The following MXRA5 variants were observed in gnomAD, a reference collection of about 807,000 sequenced individuals.
MXRA5 encodes matrix remodeling associated 5, also known as matrix-remodeling-associated protein 5.
Under a neutral mutation model 112.5 loss-of-function variants are expected in MXRA5, and 41 were observed. The observed-to-expected ratio is 0.36, with a 90% CI of 0.28 to 0.47. The LOEUF is 0.47. Ranked by LOEUF, MXRA5 falls within the 20% of genes least tolerant of loss-of-function variation. MXRA5 has a pLI of 0.99. For synonymous variants in MXRA5, 862 were observed against 900.8 expected, an observed-to-expected ratio of 0.96 and a Z score of 0.77; for missense variants, 2,150 against 2,251.0, an observed-to-expected ratio of 0.96 and a Z score of 0.91.
Position 3,315,391 on chromosome X carries a change from TGATAGATA to T in MXRA5, c.6578+1704_6578+1711del, listed in dbSNP as rs111904144. On this transcript the variant is annotated intron_variant, in intron 6 of 6. Transcript: ENST00000217939. Reference sequence around the variant, plus strand: ...TAGATAGAATAGATAGATAGATAGATGATAGATAGATAGATAGATAGATAGATAGAACC... The same window carrying T: ...TAGATAGAATAGATAGATAGATAGATGATAGATAGATAGATAGATAGAACC... Among the ~76,000 whole-genome samples, 65 of 56,691 alleles carry T rather than the reference TGATAGATA, an allele frequency of 1.1e-3. 3 individuals carry two copies. The highest frequency in any genetic ancestry group is 4.9e-3 in the African/African-American group (60 of 12,218). The allele number at this position is 56,691 out of a possible 115,157, so 49.2% of individuals were successfully genotyped here.
rs770702989 is a variant in MXRA5, at chrX:3,313,793, C to A, written c.6579-2169G>T. 2.7e-5 allele frequency among the ~76,000 whole-genome samples: 3 copies of A among 112,119 alleles called. No individual in the cohort carries two copies. The East Asian group carries it at 8.4e-4, about 31-fold the overall frequency. On this transcript the variant is annotated intron_variant, in intron 6 of 6. Coordinates refer to ENST00000217939, the MANE Select transcript of MXRA5 (RefSeq NM_015419.4). ...TCCATTCAAAATTGCCTCCACCATG[C>A]CAAATTCAATGGAAAGCAGTTCTCT... is the stretch of plus-strand genomic sequence containing the variant.
intron 5 of MXRA5, 67 bp from the exon 6 acceptor site, chrX:3,318,070 G>C: frequency 1.1e-6 from 1 of 900,831 alleles, no homozygotes; most frequent in Non-Finnish European, 1.5e-6. Flanking sequence ...CAAACGAGCA[G>C]TATTAGTTAA....
At position 3,321,404 on chromosome X, in the gene MXRA5, T is replaced by C; in HGVS notation, c.4281A>G (p.Thr1427=). The C allele has an allele frequency of 8.3e-7, 1 of 1,211,785 alleles. No homozygotes were observed. Among genetic ancestry groups the C allele is most frequent in the Non-Finnish European group, 1.1e-6 (1 of 895,499 alleles). Residue 1427 remains threonine (T), a synonymous_variant, in exon 5 of 7, where the codon ACA becomes ACG. Transcript: ENST00000217939. Reference sequence around the variant, plus strand: ...CTTCCTGGTGAAATGGTGTGGAGACTGTCAAAGAGGACAAAAACTCGGAAG... The same window carrying C: ...CTTCCTGGTGAAATGGTGTGGAGACCGTCAAAGAGGACAAAAACTCGGAAG... The part of the protein sequence containing the change: ...DFTSEFLSSL[T]VSTPFHQEEA...
intron 4 of MXRA5, among the ~76,000 whole-genome samples, chrX:3,325,289 C>T (rs1921430595): frequency 9.0e-6 from 1 of 110,921 alleles, no homozygotes. Flanking sequence ...CATTCACATA[C>T]ATTTTACAAT....
In MXRA5 at chrX:3,309,971, G is replaced by A. The variant is rs1920969594; in HGVS notation, c.8232C>T (p.Tyr2744=). 8.3e-7 allele frequency: 1 copy of A among 1,211,621 alleles called. No homozygotes were observed. Among genetic ancestry groups the A allele is most frequent in the African/African-American group, 1.7e-5 (1 of 57,798 alleles). ...GTTTCACGGTGTTCCCGGGCCGGGT[G>A]TAGATGACCGGGGTGGGCTCGCTGG... ...RITSEPTPVI[Y]TRPGNTVKLN... is the part of the protein sequence containing the mutation. The change falls in exon 7 of 7, where the codon TAC becomes TAT. Residue 2744 remains tyrosine, a synonymous_variant. Transcript: ENST00000217939.
rs149776452 is a variant in MXRA5, at chrX:3,335,604, G to A, written c.189-4831C>T. Reference sequence around the variant, plus strand: ...AGAAGGTCTTACAGGGTATGTTTGCGGATGGCATCCTCAGAATTGTTCAGA... The same window carrying A: ...AGAAGGTCTTACAGGGTATGTTTGCAGATGGCATCCTCAGAATTGTTCAGA... On this transcript the variant is annotated intron_variant, in intron 2 of 6. Coordinates refer to ENST00000217939, the MANE Select transcript of MXRA5 (RefSeq NM_015419.4). Among the ~76,000 whole-genome samples, 733 of 112,401 alleles carry A rather than the reference G, an allele frequency of 6.5e-3. 6 individuals carry two copies. The highest frequency in any genetic ancestry group is 0.022 in the African/African-American group (682 of 30,996).
At chrX:3,319,469 T>C (rs1921237698) in intron 5 of MXRA5, among the ~76,000 whole-genome samples, 1 of 112,761 alleles carries the variant, frequency 8.9e-6, no homozygotes, top group South Asian at 3.7e-4. Context: ...CCTGAACTCC[T>C]CGGGCTAGCT....
chrX:3,326,521 A>T (rs1414984107), intron 4 of MXRA5, among the ~76,000 whole-genome samples: 39 of 104,885 alleles, frequency 3.7e-4, no homozygotes, highest in African/African-American at 1.3e-3. Flanking sequence ...TTATAACTAT[A>T]TTTATACATT....
intron 2 of MXRA5, among the ~76,000 whole-genome samples, chrX:3,332,461 G>A (rs1921688339): frequency 9.1e-6 from 1 of 109,991 alleles, no homozygotes; most frequent in Admixed American, 9.6e-5. Flanking sequence ...AGCCAGGATG[G>A]TCTCGATCTC....
At chrX:3,339,316 G>A (rs755124588) in intron 2 of MXRA5, among the ~76,000 whole-genome samples, 126 of 110,205 alleles carry the variant, frequency 1.1e-3, no homozygotes, top group Middle Eastern at 9.2e-3. Context: ...CCAAGCTGGA[G>A]TGCAGTGGCG....
intron 6 of MXRA5, among the ~76,000 whole-genome samples, chrX:3,315,391 T>TGATAGATAGATAGATAGATAGATAGATA (rs111904144): frequency 7.1e-5 from 4 of 56,708 alleles, no homozygotes; most frequent in East Asian, 5.9e-4. Flanking sequence ...GATAGATAGA[T>TGATAGATAGATAGATAGATAGATAGATA]GATAGATAGA....
Position 3,322,457 on chromosome X carries a change from G to T in MXRA5, c.3228C>A (p.Asp1076Glu). The T allele has an allele frequency of 8.3e-7, 1 of 1,211,318 alleles. No homozygotes were observed. Among genetic ancestry groups the T allele is most frequent in the Non-Finnish European group, 1.1e-6 (1 of 895,306 alleles). Residue 1076 changes from aspartate (D) to glutamate (E), a missense_variant, in exon 5 of 7, where the codon GAC becomes GAA. By Grantham distance (45) the Asp-to-Glu change is conservative (BLOSUM62 2). This residue lies in a region of MXRA5 where 1,485 missense variants were observed against 1,471.6 expected (regional missense o/e 1.01). Coordinates refer to ENST00000217939, the MANE Select transcript of MXRA5 (RefSeq NM_015419.4). ...TCTCAGAACTTCTGGAGTGTGTGGG[G>T]TCTCCCTCTAGCATATTTCCTCCCT... ...TLQGGNMLEGDPTHSRSSESE... is the reference protein window; with the variant it reads ...TLQGGNMLEGEPTHSRSSESE...
intron 1 of MXRA5, among the ~76,000 whole-genome samples, chrX:3,346,001 G>A (rs1045054365): frequency 1.2e-4 from 14 of 112,644 alleles, no homozygotes; most frequent in Non-Finnish European, 2.3e-4. Context: ...CTGGGTAAGA[G>A]TAGGAGGAAA....
chrX:3,335,213 T>C (rs768513133), intron 2 of MXRA5, among the ~76,000 whole-genome samples: 10 of 111,912 alleles, frequency 8.9e-5, no homozygotes, highest in Non-Finnish European at 1.7e-4. Flanking sequence ...ATTTATTCAT[T>C]TGAGATAGAG....
chrX:3,339,922 CA>C (rs1385077832), intron 2 of MXRA5, among the ~76,000 whole-genome samples: 3 of 111,871 alleles, frequency 2.7e-5, no homozygotes, highest in Non-Finnish European at 5.6e-5. Flanking sequence ...ATGTTTATGG[CA>C]GACAATATTT....
Position 3,311,352 on chromosome X carries a change from A to G in MXRA5, c.6851T>C (p.Leu2284Pro). The G allele has an allele frequency of 8.3e-7, 1 of 1,211,855 alleles. No individual in the cohort carries two copies. ...EISWSLPDGS[L>P]VNSFMQSDDS... is the part of the protein sequence containing the mutation. Reference sequence around the variant, plus strand: ...ATCCGACTGCATGAAGGAGTTCACCAGACTCCCGTCTGGGAGGCTCCAGGA... The same window carrying G: ...ATCCGACTGCATGAAGGAGTTCACCGGACTCCCGTCTGGGAGGCTCCAGGA... The change falls in exon 7 of 7, where the codon CTG becomes CCG. Residue 2284 changes from leucine (L) to proline (P), a missense_variant. Coordinates refer to ENST00000217939, the MANE Select transcript of MXRA5 (RefSeq NM_015419.4).
intron 5 of MXRA5, among the ~76,000 whole-genome samples, chrX:3,318,866 T>TAA (rs59408908): frequency 3.8e-4 from 41 of 106,840 alleles, no homozygotes; most frequent in East Asian, 3.8e-3. Context: ...TCTTTTTCTT[T>TAA]AAAAAAAAAA....
At chrX:3,327,033 T>A (rs952387816) in intron 4 of MXRA5, among the ~76,000 whole-genome samples, 1 of 111,244 alleles carries the variant, frequency 9.0e-6, no homozygotes, top group African/African-American at 3.3e-5. Context: ...CTCGTGCCTG[T>A]TCTATCTCAG....
In MXRA5 at chrX:3,311,320, C is replaced by T. The variant is rs746659710; in HGVS notation, c.6883G>A (p.Gly2295Ser). 41 of 1,210,218 alleles carry T rather than the reference C, an allele frequency of 3.4e-5. No homozygotes were observed. The highest frequency in any genetic ancestry group is 1.6e-4 in the South Asian group (9 of 56,788). Residue 2295 changes from glycine (G) to serine (S), a missense_variant, in exon 7 of 7, where the codon GGT (glycine) becomes AGT (serine). Around this residue, in one of 6 missense-constraint regions of MXRA5, gnomAD observed 1,485 missense variants for 1,471.6 expected, o/e 1.01. Transcript: ENST00000217939. ...ACGACATAGCGCTTGGTGCGTCCAC[C>T]GCTGTCATCCGACTGCATGAAGGAG... The part of the protein sequence containing the change: ...VNSFMQSDDS[G>S]GRTKRYVVFN...
Sources: gnomAD v4.1 joint callset for allele counts (sites outside exome capture counted in the v4.1 genomes callset) on GRCh38, gnomAD v4.1.1 for gene constraint, gnomAD v4.1.1 regional missense constraint, MANE v1.5 for transcripts, NCBI Gene and HGNC (gene_info 2026-07-23, HGNC 2026-07-21) for gene names.